MMS22L: variants seen among roughly 807,000 people sequenced by gnomAD.
The protein encoded by MMS22L is MMS22 like, DNA repair protein.
In MMS22L, 74 loss-of-function variants were observed where a neutral mutation model predicts 159.1. The observed-to-expected ratio is 0.47, with a 90% CI of 0.39 to 0.56. The LOEUF is 0.56. MMS22L is among the 20% of genes least tolerant of loss of function. The probability of loss-of-function intolerance (pLI) is 0.00; values close to 1 mark genes in which losing one functional copy is unlikely to be tolerated. For synonymous variants in MMS22L, 517 were observed against 506.9 expected (o/e 1.02, Z -0.27); for missense variants, 1,351 against 1,422.1 (o/e 0.95, Z 0.80).
In MMS22L at chr6:97,250,947, TTA is replaced by T. The variant is rs373938448; in HGVS notation, c.1119+3608_1119+3609del. 2.6e-4 allele frequency among the ~76,000 whole-genome samples: 39 copies of T among 152,310 alleles called. 2 individuals carry two copies. The highest frequency in any genetic ancestry group is 8.7e-4 in the African/African-American group (36 of 41,586). ...CAACCATTTTCTCTATTGTAGTTGC[TTA>T]TGTTAATATATCATAAGGAGAAAAA... On this transcript the variant is annotated intron_variant, in intron 10 of 24. Coordinates refer to ENST00000683635, the MANE Select transcript of MMS22L (RefSeq NM_001350599.2).
chr6:97,175,135 T>C lies in MMS22L; in HGVS notation c.2680-1913A>G, dbSNP rs561027943. Among the ~76,000 whole-genome samples the C allele has an allele frequency of 2.2e-4, 34 of 152,342 alleles. No homozygotes were observed. In the South Asian group the frequency reaches 6.4e-3, roughly 29 times the overall value. On this transcript the variant is annotated intron_variant, in intron 18 of 24. Coordinates refer to ENST00000683635, the MANE Select transcript of MMS22L (RefSeq NM_001350599.2). ...TTAGAAAATTTTATTTATTAATTCA[T>C]TGAAAAGTGATAATGAACATTACAT...
chr6:97,145,070 A>G lies in MMS22L; in HGVS notation c.*1736T>C, dbSNP rs1386096131. The G allele has an allele frequency of 4.0e-5, 6 of 149,204 alleles. No individual in the cohort carries two copies. The highest frequency in any genetic ancestry group is 1.3e-4 in the Admixed American group (2 of 14,948). The allele number at this position is 149,204 out of a possible 1,614,324, so 9.2% of individuals were successfully genotyped here. ...CACACACACACACACACACACAAAA[A>G]CACATATACACATAAATAACCTCTT... On this transcript the variant is annotated 3_prime_UTR_variant, in exon 25 of 25. Coordinates refer to ENST00000683635, the MANE Select transcript of MMS22L (RefSeq NM_001350599.2).
Position 97,226,898 on chromosome 6 carries a change from C to T in MMS22L, c.2039+1996G>A, listed in dbSNP as rs1810321833. Among the ~76,000 whole-genome samples the T allele has an allele frequency of 2.0e-5, 3 of 151,964 alleles. No homozygotes were observed. The South Asian group carries it at 6.2e-4, about 32-fold the overall frequency. On this transcript the variant is annotated intron_variant, in intron 14 of 24. Coordinates refer to ENST00000683635, the MANE Select transcript of MMS22L (RefSeq NM_001350599.2). ...GCATTTCTGACCTCACCAGTGCTGTCCCCCTAGTTGTGACAACCAAAAATG... is the reference window on the plus strand; with the variant it reads ...GCATTTCTGACCTCACCAGTGCTGTTCCCCTAGTTGTGACAACCAAAAATG...
intron 8 of MMS22L, chr6:97,264,991 G>T (rs958982102): frequency 6.6e-6 from 1 of 152,082 alleles, no homozygotes; most frequent in African/African-American, 2.4e-5. Context: ...CAGATTCAAT[G>T]AAATCCCTAC....
chr6:97,176,510 G>A (rs1437291377), intron 18 of MMS22L, among the ~76,000 whole-genome samples: 1 of 152,034 alleles, frequency 6.6e-6, no homozygotes, highest in African/African-American at 2.4e-5. Context: ...GGTATTTGGG[G>A]TCTTAGATTT....
chr6:97,252,162 A>C (rs1426470411), intron 10 of MMS22L, among the ~76,000 whole-genome samples: 1 of 152,144 alleles, frequency 6.6e-6, no homozygotes, highest in Non-Finnish European at 1.5e-5. Context: ...TCCATATTAC[A>C]ATAGCAATGG....
intron 24 of MMS22L, among the ~76,000 whole-genome samples, chr6:97,147,587 T>A (rs1353921282): frequency 1.3e-5 from 2 of 152,182 alleles, no homozygotes; most frequent in South Asian, 4.1e-4. Context: ...TCTAGTTTTT[T>A]CACTCAAATT....
Position 97,223,742 on chromosome 6 carries a change from C to A in MMS22L, c.2039+5152G>T, listed in dbSNP as rs944047641. ...TCTCCAATAAATCCCAAACTAAAGGCTGGACTGCCTTGATAATATTTGCCT... is the reference window on the plus strand; with the variant it reads ...TCTCCAATAAATCCCAAACTAAAGGATGGACTGCCTTGATAATATTTGCCT... On this transcript the variant is annotated intron_variant, in intron 14 of 24. Transcript: ENST00000683635. Among the ~76,000 whole-genome samples the A allele has an allele frequency of 4.9e-4, 74 of 152,082 alleles. 3 individuals carry two copies. The highest frequency in any genetic ancestry group is 2.9e-5 in the Non-Finnish European group (2 of 67,976).
intron 6 of MMS22L, chr6:97,270,518 T>C (rs1815623020): frequency 7.2e-6 from 2 of 278,724 alleles, no homozygotes; most frequent in East Asian, 9.7e-5. Context: ...CAATTCTACC[T>C]GAGTCAAAAC....
intron 18 of MMS22L, 42 bp downstream of exon 18, chr6:97,178,401 T>C (rs771154893): frequency 3.5e-6 from 5 of 1,410,918 alleles, no homozygotes; most frequent in Middle Eastern, 3.7e-4. Flanking sequence ...TGAAAATTAA[T>C]TGTAATTAAT....
At chr6:97,250,012 A>C (rs893227038) in intron 10 of MMS22L, among the ~76,000 whole-genome samples, 2 of 152,228 alleles carry the variant, frequency 1.3e-5, no homozygotes, top group Admixed American at 6.5e-5. Flanking sequence ...ATCTAAAACA[A>C]AAATAAACTG....
chr6:97,272,481 C>T (rs775692255), intron 6 of MMS22L: 23 of 442,996 alleles, frequency 5.2e-5, no homozygotes, highest in Admixed American at 1.2e-4. Flanking sequence ...TTTAATTCAT[C>T]CAATGATTCT....
intron 14 of MMS22L, among the ~76,000 whole-genome samples, chr6:97,195,971 C>T (rs150935259): frequency 2.2e-4 from 34 of 152,002 alleles, no homozygotes; most frequent in African/African-American, 7.5e-4. Flanking sequence ...CTGAAAGTTA[C>T]GAGGGACAGT....
intron 22 of MMS22L, among the ~76,000 whole-genome samples, chr6:97,155,168 T>G (rs549247406): frequency 6.6e-6 from 1 of 152,306 alleles, no homozygotes; most frequent in Admixed American, 6.5e-5. Flanking sequence ...GGTCAATCCT[T>G]TCACATGGTA....
intron 14 of MMS22L, among the ~76,000 whole-genome samples, chr6:97,204,226 G>C (rs1187084308): frequency 1.3e-5 from 2 of 152,186 alleles, no homozygotes; most frequent in Non-Finnish European, 2.9e-5. Flanking sequence ...TTCAAAGTCA[G>C]TCAAGCATTT....
At chr6:97,243,343 CTCTT>C (rs2128033009) in intron 11 of MMS22L, among the ~76,000 whole-genome samples, 1 of 152,028 alleles carries the variant, frequency 6.6e-6, no homozygotes, top group Admixed American at 6.6e-5. Flanking sequence ...AGCTCTGATG[CTCTT>C]TCTTCTACTT....
chr6:97,201,734 A>G (rs1384962806), intron 14 of MMS22L, among the ~76,000 whole-genome samples: 1 of 152,238 alleles, frequency 6.6e-6, no homozygotes, highest in Non-Finnish European at 1.5e-5. Flanking sequence ...ATGATTGAGC[A>G]AAAAGAGTTT....
At position 97,149,882 on chromosome 6, in the gene MMS22L, T is replaced by C. The variant is rs748131851; in HGVS notation, c.3621A>G (p.Lys1207=). 38 of 1,612,570 alleles carry C rather than the reference T, an allele frequency of 2.4e-5. No homozygotes were observed. Among genetic ancestry groups the C allele is most frequent in the Admixed American group, 6.7e-5 (4 of 59,850 alleles). The change falls in exon 24 of 25, where the codon AAA becomes AAG. Residue 1207 remains lysine, a synonymous_variant. Transcript: ENST00000683635. ...GTGCTATATTCCTGCCAAGGCCCCA[T>C]TTCTGCTCTGAATCCTTCAGAGACT... ...LTQSLKDSEQ[K]WGLGRNIAQR... is the part of the protein sequence containing the mutation.
At chr6:97,257,877 AT>A (rs1813998114) in intron 9 of MMS22L, among the ~76,000 whole-genome samples, 1 of 152,208 alleles carries the variant, frequency 6.6e-6, no homozygotes, top group African/African-American at 2.4e-5. Context: ...GATAAATATT[AT>A]GTAAAGATCT....
Sources: gnomAD v4.1 joint callset for allele counts (sites outside exome capture counted in the v4.1 genomes callset) on GRCh38, gnomAD v4.1.1 for gene constraint, MANE v1.5 for transcripts, NCBI Gene and HGNC (gene_info 2026-07-23, HGNC 2026-07-21) for gene names.